The following USP28 variants were observed in gnomAD, a reference collection of about 807,000 sequenced individuals.
USP28 encodes ubiquitin specific peptidase 28, also known as ubiquitin carboxyl-terminal hydrolase 28.
A neutral mutation model predicts 145.0 loss-of-function variants in USP28; 113 were observed. That is an observed-to-expected ratio of 0.78 (90% confidence interval 0.67 to 0.91). The LOEUF is 0.91. Among genes scored for constraint, USP28 ranks in the 40% least tolerant of loss-of-function variants. The pLI is 0.00. For missense variants in USP28, 1,201 were observed against 1,289.6 expected (o/e 0.93, Z 1.05); for synonymous variants, 447 against 450.9 (o/e 0.99, Z 0.11).
chr11:113,807,320 C>T (rs1037456215), intron 18 of USP28, among the ~76,000 whole-genome samples: 3 of 152,094 alleles, frequency 2.0e-5, no homozygotes. Context: ...GTGATCCACC[C>T]GCCTTGGCCT....
At chr11:113,834,221 G>C (rs369443993) in intron 6 of USP28, 28 bp downstream of exon 6, 4 of 1,573,630 alleles carry the variant, frequency 2.5e-6, no homozygotes, top group Non-Finnish European at 3.5e-6. Flanking sequence ...CTAAACAACA[G>C]TGAAGAAATT....
At chr11:113,823,579 T>C (rs1565385752) in intron 12 of USP28, 26 bp downstream of exon 12, 7 of 1,483,234 alleles carry the variant, frequency 4.7e-6, no homozygotes, top group Non-Finnish European at 6.5e-6. Flanking sequence ...TTTACATTTC[T>C]AAGCATGAAG....
intron 1 of USP28, among the ~76,000 whole-genome samples, chr11:113,860,740 A>T (rs1242283153): frequency 6.8e-6 from 1 of 147,930 alleles, no homozygotes; most frequent in African/African-American, 2.5e-5. Context: ...AATTGCTTGA[A>T]CCTGGGAGGC....
At chr11:113,843,716 TA>T (rs1945487608) in intron 3 of USP28, among the ~76,000 whole-genome samples, 1 of 132,936 alleles carries the variant, frequency 7.5e-6, no homozygotes, top group Admixed American at 7.3e-5. Context: ...TTTAATAAAA[TA>T]AAACACAAAT....
At chr11:113,821,544 G>T in intron 12 of USP28, 1 of 199,140 alleles carries the variant, frequency 5.0e-6, no homozygotes, top group Non-Finnish European at 1.1e-5. Flanking sequence ...AATCTACTTA[G>T]CTGCAACAGA....
At chr11:113,830,833 G>A (rs747622432) in intron 9 of USP28, 34 bp downstream of exon 9, 4 of 1,597,188 alleles carry the variant, frequency 2.5e-6, no homozygotes, top group Non-Finnish European at 3.4e-6. Context: ...TATGATCAAA[G>A]GTCTAGAATT....
intron 19 of USP28, 56 bp from the exon 21 acceptor site, chr11:113,805,102 A>G (rs919374407): frequency 1.3e-6 from 2 of 1,537,668 alleles, no homozygotes; most frequent in Admixed American, 1.9e-5. Flanking sequence ...TTCTGCACAC[A>G]GAAATTGATG....
In USP28 at chr11:113,827,307, C is replaced by T. The variant is rs1943489225; in HGVS notation, c.1113G>A (p.Glu371=). 1.9e-6 allele frequency: 3 copies of T among 1,612,584 alleles called. No homozygotes were observed. The African/African-American group carries it at 4.0e-5, about 22-fold the overall frequency. ...CTGGCTGCCCAAGGGACTGATTAAACTCAAATCTTGAGAGTTCAAAGGTCA... is the reference window on the plus strand; with the variant it reads ...CTGGCTGCCCAAGGGACTGATTAAATTCAAATCTTGAGAGTTCAAAGGTCA... Residue 371 remains glutamate (E), a synonymous_variant, in exon 11 of 25, where the codon GAG becomes GAA. Coordinates refer to ENST00000003302, the Ensembl canonical transcript of USP28.
chr11:113,814,551 G>A (rs1443260450), intron 14 of USP28, among the ~76,000 whole-genome samples: 1 of 152,042 alleles, frequency 6.6e-6, no homozygotes, highest in Admixed American at 6.6e-5. Context: ...AAAGCTAAAT[G>A]CTAAATCTGG....
Position 113,835,968 on chromosome 11 carries a change from C to A in USP28, c.535-1633G>T, listed in dbSNP as rs993396223. Reference sequence around the variant, plus strand: ...GGTGGCATGCCTATAGTCCCAGCTGCTCGGGAGGCTGAGGCAGGAGAATCG... The same window carrying A: ...GGTGGCATGCCTATAGTCCCAGCTGATCGGGAGGCTGAGGCAGGAGAATCG... On this transcript the variant is annotated intron_variant, in intron 5 of 24. Transcript: ENST00000003302. 2.0e-5 allele frequency among the ~76,000 whole-genome samples: 3 copies of A among 152,112 alleles called. No homozygotes were observed. In the South Asian group the frequency reaches 6.2e-4, roughly 31 times the overall value.
chr11:113,799,529 C>A (rs1938551123), intron 24 of USP28, 114 bp from the exon 26 acceptor site: 7 of 1,191,780 alleles, frequency 5.9e-6, no homozygotes, highest in Non-Finnish European at 8.0e-6. Flanking sequence ...ATTATGCTGG[C>A]CAGTTACTAA....
At chr11:113,812,152 T>C (rs985320850) in intron 16 of USP28, 124 bp downstream of exon 16, 29 of 651,066 alleles carry the variant, frequency 4.5e-5, no homozygotes, top group African/African-American at 4.0e-4. Flanking sequence ...ACTGTCTATA[T>C]TTTTTAAATC....
exon 14 of USP28, chr11:113,815,180 T>C (rs1157843851): frequency 3.1e-6 from 5 of 1,613,796 alleles, no homozygotes; most frequent in Admixed American, 1.7e-5. Flanking sequence ...CAACCTTGTA[T>C]ATCTTGTTCA....
At chr11:113,811,927 G>A (rs1006671437) in intron 16 of USP28, among the ~76,000 whole-genome samples, 6 of 151,918 alleles carry the variant, frequency 3.9e-5, no homozygotes, top group African/African-American at 1.5e-4. Context: ...CTAAATACTC[G>A]ATTAATGAAA....
intron 11 of USP28, among the ~76,000 whole-genome samples, chr11:113,825,039 T>TA (rs1943139093): frequency 3.3e-5 from 5 of 151,356 alleles, no homozygotes; most frequent in Admixed American, 2.6e-4. Context: ...GACAAGCTGA[T>TA]AAAAATTTAC....
intron 7 of USP28, among the ~76,000 whole-genome samples, chr11:113,833,145 T>C (rs959638488): frequency 6.6e-6 from 1 of 152,232 alleles, no homozygotes; most frequent in African/African-American, 2.4e-5. Flanking sequence ...TCCTCCTTTC[T>C]ACATCAATAG....
intron 1 of USP28, among the ~76,000 whole-genome samples, chr11:113,857,270 G>A (rs1341696294): frequency 6.6e-6 from 1 of 152,136 alleles, no homozygotes; most frequent in East Asian, 1.9e-4. Context: ...ACTTAACACA[G>A]CATAATACAT....
At chr11:113,834,367 T>C in intron 5 of USP28, 32 bp from the exon 6 acceptor site, 2 of 1,482,154 alleles carry the variant, frequency 1.3e-6, no homozygotes, top group Non-Finnish European at 1.8e-6. Flanking sequence ...ATTCATAGCC[T>C]TTCCTGAAAA....
intron 5 of USP28, among the ~76,000 whole-genome samples, chr11:113,834,960 G>T (rs755126349): frequency 6.6e-6 from 1 of 152,096 alleles, no homozygotes; most frequent in Non-Finnish European, 1.5e-5. Context: ...ACAATACTAC[G>T]TATTGTTCAG....
Sources: gnomAD v4.1 joint callset for allele counts (sites outside exome capture counted in the v4.1 genomes callset) on GRCh38, gnomAD v4.1.1 for gene constraint, MANE v1.5 for transcripts, NCBI Gene and HGNC (gene_info 2026-07-23, HGNC 2026-07-21) for gene names.